BIRC6: variants seen among roughly 807,000 people sequenced by gnomAD.
BIRC6 encodes baculoviral IAP repeat containing 6, also known as dual E2 ubiquitin-conjugating enzyme/E3 ubiquitin-protein ligase BIRC6.
BIRC6 carries 98 observed loss-of-function variants against 503.3 expected under a neutral mutation model. That is an observed-to-expected ratio of 0.19 (90% CI 0.17 to 0.23). The LOEUF (loss-of-function observed/expected upper bound fraction) is 0.23. BIRC6 is among the 10% of genes least tolerant of loss of function. The probability of loss-of-function intolerance (pLI) is 1.00; values close to 1 mark genes in which losing one functional copy is unlikely to be tolerated. For synonymous variants in BIRC6, 2,240 were observed against 2,078.7 expected (o/e 1.08, Z -2.11); for missense variants, 5,360 against 5,806.0 (o/e 0.92, Z 2.50).
chr2:32,447,619 T>C (rs1398931315), intron 21 of BIRC6, among the ~76,000 whole-genome samples: 1 of 88,330 alleles, frequency 1.1e-5, no homozygotes, highest in Admixed American at 1.1e-4. Flanking sequence ...TCCCCCCACC[T>C]CCCTCCCGGA....
rs10610125 is a variant in BIRC6, at chr2:32,431,181, CTTTTTTTTTT to C, written c.3248+114_3248+123del. 473 of 69,274 alleles carry C rather than the reference CTTTTTTTTTT, an allele frequency of 6.8e-3. 1 individual carries two copies. Among genetic ancestry groups the C allele is most frequent in the Middle Eastern group, 0.017 (2 of 116 alleles). The allele number at this position is 69,274 out of a possible 1,614,324, so 4.3% of individuals were successfully genotyped here. A position where few individuals can be genotyped will look rare whatever the true frequency, so the allele number is the denominator to read the frequency against. ...AATTCCTAGGTATATTACTGTTTAT[CTTTTTTTTTT>C]TTTTTTTTTTTTTTTTTTTTTTGAG... On this transcript the variant is annotated intron_variant, in intron 12 of 73. Transcript: ENST00000421745.
intron 65 of BIRC6, chr2:32,558,931 A>G (rs1034890560): frequency 2.0e-5 from 3 of 152,180 alleles, no homozygotes; most frequent in South Asian, 2.1e-4. Context: ...TAGGTTTTTT[A>G]TATGCTGAAT....
chr2:32,397,643 C>T (rs1453672962), intron 6 of BIRC6, among the ~76,000 whole-genome samples: 45 of 139,316 alleles, frequency 3.2e-4, no homozygotes, highest in East Asian at 3.1e-3. Context: ...TATATATACA[C>T]ACACACACAC....
At chr2:32,489,828 G>A (rs780395086) in intron 42 of BIRC6, among the ~76,000 whole-genome samples, 1 of 152,166 alleles carries the variant, frequency 6.6e-6, no homozygotes, top group African/African-American at 2.4e-5. Flanking sequence ...GGTGTTGTGG[G>A]CTGAGCTTTA....
rs1468275881 is a variant in BIRC6 at position 32,485,847 on chromosome 2, A to G, written c.7813+88A>G. 7 of 877,624 alleles carry G rather than the reference A, an allele frequency of 8.0e-6. No homozygotes were observed. The African/African-American group carries it at 8.4e-5, about 10-fold the overall frequency. The allele number at this position is 877,624 out of a possible 1,614,324, so 54.4% of individuals were successfully genotyped here. Reference sequence around the variant, plus strand: ...GTGGATTCATCAAGGACAGATTTTTAAATTCCATGATGTGAGTCTGAGGGG... The same window carrying G: ...GTGGATTCATCAAGGACAGATTTTTGAATTCCATGATGTGAGTCTGAGGGG... On this transcript the variant is annotated intron_variant, in intron 40 of 73. Coordinates refer to ENST00000421745, the MANE Select transcript of BIRC6 (RefSeq NM_016252.4).
rs573897896 is a variant in BIRC6, at chr2:32,435,799, C to T, written c.3499+214C>T. The stretch of plus-strand genomic sequence containing the variant: ...CTAATGCATTCTTGGTTTTTAATAC[C>T]TTGGGATTTGAAATCAAGTCGTGGT... On this transcript the variant is annotated intron_variant, in intron 14 of 73. Coordinates refer to ENST00000421745, the MANE Select transcript of BIRC6 (RefSeq NM_016252.4). 8.5e-5 allele frequency among the ~76,000 whole-genome samples: 13 copies of T among 152,202 alleles called. No individual in the cohort carries two copies. In the East Asian group the frequency reaches 2.5e-3, roughly 29 times the overall value.
chr2:32,603,130 T>G, intron 71 of BIRC6, 47 bp downstream of exon 71: 1 of 1,493,520 alleles, frequency 6.7e-7, no homozygotes, highest in Non-Finnish European at 9.1e-7. Context: ...TAAAGAACTG[T>G]GTAGTATTTT....
intron 65 of BIRC6, chr2:32,566,220 A>T (rs1279526445): frequency 6.6e-6 from 1 of 152,192 alleles, no homozygotes; most frequent in African/African-American, 2.4e-5. Flanking sequence ...TTATGGCTAC[A>T]TAATGGGCAT....
At position 32,460,998 on chromosome 2, in the gene BIRC6, CTCTCTTCTCTTCTCTTCTCT is replaced by C. The variant is rs1244077881; in HGVS notation, c.4754-2147_4754-2128del. ...GATGCAATTGCTCTGCTCTGCTCTGCTCTCTTCTCTTCTCTTCTCTTCTCTTCTCTTCTCTTCTCTTCTCT... is the reference window on the plus strand; with the variant it reads ...GATGCAATTGCTCTGCTCTGCTCTGCTCTCTTCTCTTCTCTTCTCTTCTCT... On this transcript the variant is annotated intron_variant, in intron 23 of 73. Transcript: ENST00000421745. Among the ~76,000 whole-genome samples, 852 of 88,728 alleles carry C rather than the reference CTCTCTTCTCTTCTCTTCTCT, an allele frequency of 9.6e-3. 33 individuals carry two copies. Among genetic ancestry groups the C allele is most frequent in the Middle Eastern group, 0.031 (4 of 130 alleles). The allele number at this position is 88,728 out of a possible 152,430, so 58.2% of individuals were successfully genotyped here. A position where few individuals can be genotyped will look rare whatever the true frequency, so the allele number is the denominator to read the frequency against.
chr2:32,430,076 G>A (rs1168770139), intron 11 of BIRC6, among the ~76,000 whole-genome samples: 1 of 151,966 alleles, frequency 6.6e-6, no homozygotes, highest in African/African-American at 2.4e-5. Context: ...GATTTAAAAG[G>A]GTCTAGACTT....
chr2:32,484,585 A>G (rs1452721440), intron 39 of BIRC6, among the ~76,000 whole-genome samples: 2 of 151,940 alleles, frequency 1.3e-5, no homozygotes, highest in Non-Finnish European at 2.9e-5. Context: ...GAAAGAAAAA[A>G]TTACTGTAAT....
chr2:32,508,869 G>A (rs1022093853), intron 51 of BIRC6, among the ~76,000 whole-genome samples: 1 of 152,074 alleles, frequency 6.6e-6, no homozygotes, highest in Non-Finnish European at 1.5e-5. Flanking sequence ...CGGATCACGA[G>A]GTCAGGAGAT....
At chr2:32,438,742 G>T (rs540866803) in intron 15 of BIRC6, among the ~76,000 whole-genome samples, 2 of 151,546 alleles carry the variant, frequency 1.3e-5, no homozygotes, top group African/African-American at 2.4e-5. Context: ...TTTTGTATTT[G>T]TAGTAGACGG....
At chr2:32,403,046 A>G (rs564992463) in intron 8 of BIRC6, among the ~76,000 whole-genome samples, 5 of 152,326 alleles carry the variant, frequency 3.3e-5, no homozygotes, top group East Asian at 3.9e-4. Flanking sequence ...GAAATTCACA[A>G]TCTAGGGTCG....
chr2:32,447,472 CG>C (rs1207500805), intron 21 of BIRC6, among the ~76,000 whole-genome samples: 2 of 138,248 alleles, frequency 1.4e-5, no homozygotes, highest in Non-Finnish European at 3.1e-5. Context: ...GCTGGCCGGG[CG>C]GGGGGCTGAT....
At chr2:32,404,446 T>A (rs1474511497) in intron 8 of BIRC6, among the ~76,000 whole-genome samples, 1 of 151,792 alleles carries the variant, frequency 6.6e-6, no homozygotes, top group Non-Finnish European at 1.5e-5. Flanking sequence ...GTCTCCTGAG[T>A]AGCTGGGACT....
intron 9 of BIRC6, among the ~76,000 whole-genome samples, chr2:32,410,980 G>A (rs889750189): frequency 3.3e-5 from 5 of 152,122 alleles, no homozygotes; most frequent in African/African-American, 4.8e-5. Flanking sequence ...GATTACAGGC[G>A]TGAGCCACCG....
chr2:32,576,451 T>A (rs1046897695), intron 66 of BIRC6, among the ~76,000 whole-genome samples: 1 of 152,212 alleles, frequency 6.6e-6, no homozygotes, highest in East Asian at 1.9e-4. Flanking sequence ...GGTTGTCAGT[T>A]TATTCCTCAA....
At chr2:32,399,401 A>G (rs896989565) in intron 6 of BIRC6, among the ~76,000 whole-genome samples, 3 of 152,068 alleles carry the variant, frequency 2.0e-5, no homozygotes, top group South Asian at 2.1e-4. Context: ...TATTTTTTAG[A>G]TACGGGGTCT....
Sources: allele counts gnomAD v4.1 joint callset (sites outside exome capture counted in the v4.1 genomes callset), GRCh38; gene constraint gnomAD v4.1.1; transcripts MANE v1.5; gene names NCBI Gene and HGNC (gene_info 2026-07-23, HGNC 2026-07-21).